ADGRL2: variants seen among roughly 807,000 people sequenced by gnomAD.
The protein encoded by ADGRL2 is adhesion G protein-coupled receptor L2.
ADGRL2 carries 44 observed loss-of-function variants against 157.4 expected under a neutral mutation model. That is an observed-to-expected ratio of 0.28 (90% confidence interval 0.22 to 0.36). The LOEUF (loss-of-function observed/expected upper bound fraction) is 0.36, where lower values mean the gene tolerates loss of function less well. Among genes scored for constraint, ADGRL2 ranks in the 10% least tolerant of loss-of-function variants. The pLI is 1.00. For missense variants in ADGRL2, 1,510 were observed against 1,768.9 expected, an observed-to-expected ratio of 0.85 and a Z score of 2.63; for synonymous variants, 585 against 624.7, an observed-to-expected ratio of 0.94 and a Z score of 0.95.
intron 1 of ADGRL2, among the ~76,000 whole-genome samples, chr1:81,428,991 A>G (rs2077270614): frequency 6.6e-6 from 1 of 152,138 alleles, no homozygotes; most frequent in Non-Finnish European, 1.5e-5. Flanking sequence ...CGATGTTCTG[A>G]GCCCCGATGC....
intron 3 of ADGRL2, among the ~76,000 whole-genome samples, chr1:81,602,765 G>C (rs1465066706): frequency 6.6e-6 from 1 of 151,572 alleles, no homozygotes; most frequent in Non-Finnish European, 1.5e-5. Context: ...AGACGAGATG[G>C]CATGCACCTG....
chr1:81,345,922 G>T (rs1233318384), intron 1 of ADGRL2, among the ~76,000 whole-genome samples: 1 of 152,078 alleles, frequency 6.6e-6, no homozygotes, highest in African/African-American at 2.4e-5. Flanking sequence ...AGCTTTTGTT[G>T]AATCTATTCT....
intron 1 of ADGRL2, among the ~76,000 whole-genome samples, chr1:81,747,892 T>G (rs1371077100): frequency 6.6e-6 from 1 of 152,112 alleles, no homozygotes; most frequent in Non-Finnish European, 1.5e-5. Context: ...ATCCTCATTT[T>G]ACCAAAAAGA....
intron 2 of ADGRL2, among the ~76,000 whole-genome samples, chr1:81,571,179 G>A (rs1403926682): frequency 1.3e-5 from 2 of 151,568 alleles, no homozygotes; most frequent in Non-Finnish European, 2.9e-5. Flanking sequence ...ACAAAAATTA[G>A]CTGGGCATGA....
In ADGRL2 at chr1:81,505,952, C is replaced by A. The variant is rs1255355448; in HGVS notation, c.-248+60863C>A. 3 of 236,536 alleles carry A rather than the reference C, an allele frequency of 1.3e-5. No individual in the cohort carries two copies. The Admixed American group carries it at 1.5e-4, about 12-fold the overall frequency. 14.7% of individuals were successfully genotyped at this position (236,536 alleles called of 1,614,324 possible). A position where few individuals can be genotyped will look rare whatever the true frequency, so the allele number is the denominator to read the frequency against. On this transcript the variant is annotated intron_variant, in intron 2 of 24. Transcript: ENST00000370721. ...ATGGGCCCAAATACTCTGCAAAGAT[C>A]ATTGCACGTAAATCAGATCCTTTCC...
intron 1 of ADGRL2, among the ~76,000 whole-genome samples, chr1:81,399,962 C>A (rs2076722861): frequency 6.6e-6 from 1 of 151,460 alleles, no homozygotes. Flanking sequence ...CTTTCACTTG[C>A]AGTTAGGTTT....
intron 2 of ADGRL2, among the ~76,000 whole-genome samples, chr1:81,548,302 A>G (rs1010550183): frequency 2.0e-5 from 3 of 152,054 alleles, no homozygotes; most frequent in African/African-American, 7.2e-5. Flanking sequence ...GTCATAATTG[A>G]CAGCTGAAAA....
chr1:81,587,893 A>G (rs992294439), intron 3 of ADGRL2, among the ~76,000 whole-genome samples: 2 of 152,186 alleles, frequency 1.3e-5, no homozygotes, highest in African/African-American at 4.8e-5. Flanking sequence ...AATACATACA[A>G]CCTTTCATGT....
chr1:81,328,590 T>G (rs537492303), intron 1 of ADGRL2, among the ~76,000 whole-genome samples: 1 of 152,292 alleles, frequency 6.6e-6, no homozygotes, highest in Non-Finnish European at 1.5e-5. Context: ...AACAGAACTT[T>G]ACTGGGAGTC....
intron 1 of ADGRL2, among the ~76,000 whole-genome samples, chr1:81,405,125 C>T (rs1455051801): frequency 1.3e-5 from 2 of 152,084 alleles, no homozygotes; most frequent in African/African-American, 4.8e-5. Flanking sequence ...TATGACGGTG[C>T]TGTAATAGGC....
upstream of ADGRL2, among the ~76,000 whole-genome samples, chr1:81,796,954 T>C (rs2087620567): frequency 1.3e-5 from 2 of 152,360 alleles, no homozygotes; most frequent in Middle Eastern, 3.4e-3. Flanking sequence ...TGCTTTCATA[T>C]GTTTTTGCTC....
chr1:81,657,665 A>G (rs988738786), intron 3 of ADGRL2, among the ~76,000 whole-genome samples: 5 of 152,134 alleles, frequency 3.3e-5, no homozygotes, highest in African/African-American at 1.2e-4. Flanking sequence ...TAGAAGTATT[A>G]CTATGGAAAA....
At chr1:81,849,875 C>T (rs1557769731) in intron 2 of ADGRL2, among the ~76,000 whole-genome samples, 1 of 151,842 alleles carries the variant, frequency 6.6e-6, no homozygotes, top group Non-Finnish European at 1.5e-5. Flanking sequence ...TAAATACATA[C>T]AAATAACGTG....
intron 1 of ADGRL2, among the ~76,000 whole-genome samples, chr1:81,390,692 A>T (rs1216889990): frequency 1.3e-5 from 2 of 152,298 alleles, no homozygotes; most frequent in Middle Eastern, 3.2e-3. Context: ...CCATATGGCA[A>T]TTTGATCTTC....
rs116446256 is a variant in ADGRL2 at position 81,374,249 on chromosome 1, G to C, written c.-302+67740G>C. On this transcript the variant is annotated intron_variant, in intron 1 of 24. Transcript: ENST00000370721. The stretch of plus-strand genomic sequence containing the variant: ...ACAAAGCCCCAACGTGACACAATAA[G>C]TGGAGTAAAAATATTAAATCCCATA... Among the ~76,000 whole-genome samples the C allele has an allele frequency of 2.9e-3, 443 of 152,222 alleles. 3 individuals carry two copies. Among genetic ancestry groups the C allele is most frequent in the African/African-American group, 0.01 (428 of 41,552 alleles).
In ADGRL2 at chr1:81,311,603, T is replaced by C. The variant is rs528187885; in HGVS notation, c.-302+5094T>C. On this transcript the variant is annotated intron_variant, in intron 1 of 24. Coordinates refer to the ADGRL2 transcript ENST00000370721. ...TCGAGTTAGCTTATGTTATATATTT[T>C]TTAAAATTTGTTTCAGGAGGAAACA... Among the ~76,000 whole-genome samples, 19 of 152,314 alleles carry C rather than the reference T, an allele frequency of 1.2e-4. No homozygotes were observed. In the East Asian group the frequency reaches 3.5e-3, roughly 28 times the overall value.
At chr1:81,974,609 A>G (rs928755943) in intron 17 of ADGRL2, among the ~76,000 whole-genome samples, 12 of 152,140 alleles carry the variant, frequency 7.9e-5, no homozygotes, top group Non-Finnish European at 1.8e-4. Context: ...CAGTTCAGCT[A>G]GGTTACTTCA....
Position 81,532,942 on chromosome 1 carries a change from T to TTCTATCTATCTATCTA in ADGRL2, c.-247-47919_-247-47904dup, listed in dbSNP as rs10554439. On this transcript the variant is annotated intron_variant, in intron 2 of 24. Coordinates refer to the ADGRL2 transcript ENST00000370721. ...CTGTCTCAAAAAAAACAACAAAAAA[T>TTCTATCTATCTATCTA]TCTATCTATCTATCTATCTATCTAT... is the stretch of plus-strand genomic sequence containing the variant. 1.0e-3 allele frequency among the ~76,000 whole-genome samples: 155 copies of TTCTATCTATCTATCTA among 150,236 alleles called. 1 individual carries two copies. The highest frequency in any genetic ancestry group is 2.8e-3 in the African/African-American group (115 of 40,872).
intron 1 of ADGRL2, among the ~76,000 whole-genome samples, chr1:81,344,446 G>A (rs1446655038): frequency 6.6e-6 from 1 of 152,128 alleles, no homozygotes; most frequent in Non-Finnish European, 1.5e-5. Context: ...GGAGGACGAA[G>A]CATGCGGATC....
Sources: allele counts gnomAD v4.1 joint callset (sites outside exome capture counted in the v4.1 genomes callset), GRCh38; gene constraint gnomAD v4.1.1; transcripts MANE v1.5; gene names NCBI Gene and HGNC (gene_info 2026-07-23, HGNC 2026-07-21).